Variants in RGS6 observed in about 807,000 individuals in gnomAD.
The protein encoded by RGS6 is regulator of G-protein signaling 6.
RGS6 carries 30 observed loss-of-function variants against 78.5 expected under a neutral mutation model. The observed-to-expected ratio is 0.38, with a 90% confidence interval of 0.29 to 0.52. The LOEUF (loss-of-function observed/expected upper bound fraction) is 0.52, where lower values mean the gene tolerates loss of function less well. Among genes scored for constraint, RGS6 ranks in the 20% least tolerant of loss-of-function variants. The pLI, the probability that RGS6 is intolerant of heterozygous loss-of-function variation, is 0.85. For missense variants in RGS6, 495 were observed against 609.7 expected (o/e 0.81, Z 1.98); for synonymous variants, 206 against 206.0 (o/e 1.00, Z 0.00).
At chr14:71,967,889 A>G (rs2093613657) in intron 2 of RGS6, among the ~76,000 whole-genome samples, 1 of 152,176 alleles carries the variant, frequency 6.6e-6, no homozygotes, top group African/African-American at 2.4e-5. Flanking sequence ...TTTAAAGCCC[A>G]CACTTTTCAG....
At chr14:72,574,538 G>T in the RGS6 span, among the ~76,000 whole-genome samples, 2 of 152,224 alleles carry the variant, frequency 1.3e-5, no homozygotes, top group Non-Finnish European at 2.9e-5. Context: ...GTCTATGAGC[G>T]CTTATTGAGA....
intron 14 of RGS6, among the ~76,000 whole-genome samples, chr14:72,512,419 G>C (rs2096889537): frequency 6.6e-6 from 1 of 152,190 alleles, no homozygotes; most frequent in Non-Finnish European, 1.5e-5. Context: ...CAAGGAGTGT[G>C]TCCCTGGCAG....
At position 72,302,898 on chromosome 14, in the gene RGS6, G is replaced by T. The variant is rs536918079; in HGVS notation, c.85-49197G>T. On this transcript the variant is annotated intron_variant, in intron 2 of 17. Coordinates refer to ENST00000553525, the MANE Select transcript of RGS6 (RefSeq NM_001204424.2). ...GGTGGATTTTTCCCATGCTGTTCTC[G>T]TGATAGTGAATAAGTCTCACAAGAT... Among the ~76,000 whole-genome samples, 77 of 152,242 alleles carry T rather than the reference G, an allele frequency of 5.1e-4. 2 individuals carry two copies. In the South Asian group the frequency reaches 0.016, roughly 31 times the overall value.
intron 2 of RGS6, among the ~76,000 whole-genome samples, chr14:71,986,519 G>C (rs980474704): frequency 6.6e-6 from 1 of 151,714 alleles, no homozygotes; most frequent in African/African-American, 2.4e-5. Flanking sequence ...TGGCCAACAT[G>C]ATGAGACCCC....
intron 2 of RGS6, among the ~76,000 whole-genome samples, chr14:71,976,881 G>A (rs2094160804): frequency 6.9e-6 from 1 of 144,696 alleles, no homozygotes; most frequent in African/African-American, 2.5e-5. Flanking sequence ...CCCACCAACA[G>A]TGTAAAAGTG....
chr14:72,425,420 T>A (rs778750539), intron 3 of RGS6, among the ~76,000 whole-genome samples: 6 of 152,294 alleles, frequency 3.9e-5, no homozygotes, highest in Non-Finnish European at 7.4e-5. Context: ...ATTATAGGCG[T>A]GAGCCACCGC....
intron 2 of RGS6, among the ~76,000 whole-genome samples, chr14:72,282,153 G>A (rs2061689055): frequency 6.6e-6 from 1 of 152,172 alleles, no homozygotes; most frequent in Non-Finnish European, 1.5e-5. Flanking sequence ...AAGCTGCTAG[G>A]ATCCTGGCTA....
At chr14:72,243,394 C>T (rs1402056) in intron 2 of RGS6, among the ~76,000 whole-genome samples, 62,563 of 151,746 alleles carry the variant, frequency 0.41, 13,801 homozygotes, top group Non-Finnish European at 0.5. Context: ...CCCTTGGCAG[C>T]TTTGTGGATA....
intron 2 of RGS6, among the ~76,000 whole-genome samples, chr14:72,297,412 ATATTAT>A (rs35789414): frequency 1.6e-4 from 24 of 145,520 alleles, no homozygotes; most frequent in African/African-American, 6.6e-4. Flanking sequence ...AACATGGTAT[ATATTAT>A]TATTATTATT....
rs35391986 is a variant in RGS6 at position 71,999,866 on chromosome 14, CT to C, written c.84+35004del. 1.3e-3 allele frequency among the ~76,000 whole-genome samples: 197 copies of C among 146,828 alleles called. 2 individuals carry two copies. The highest frequency in any genetic ancestry group is 4.1e-3 in the African/African-American group (162 of 39,880). Reference sequence around the variant, plus strand: ...TGCAGTGCATGAGCCAATTAAACCTCTTTTTTTTTTTTTATAAATTACCCAG... The same window carrying C: ...TGCAGTGCATGAGCCAATTAAACCTCTTTTTTTTTTTTATAAATTACCCAG... On this transcript the variant is annotated intron_variant, in intron 2 of 17. Coordinates refer to ENST00000553525, the MANE Select transcript of RGS6 (RefSeq NM_001204424.2).
At position 72,005,467 on chromosome 14, in the gene RGS6, A is replaced by ATCTATCTATCTATCTATCTATCTATCTG. The variant is rs1555428453; in HGVS notation, c.84+40593_84+40594insCTATCTATCTATCTATCTATCTATCTGT. ...TATCTATCTATCTATCTATCTATCT[A>ATCTATCTATCTATCTATCTATCTATCTG]TATCTCCCTATTCATTCAGCAACCT... On this transcript the variant is annotated intron_variant, in intron 2 of 17. Transcript: ENST00000553525. 3.8e-3 allele frequency among the ~76,000 whole-genome samples: 580 copies of ATCTATCTATCTATCTATCTATCTATCTG among 151,280 alleles called. 3 individuals carry two copies. Among genetic ancestry groups the ATCTATCTATCTATCTATCTATCTATCTG allele is most frequent in the African/African-American group, 0.012 (511 of 41,206 alleles).
intron 3 of RGS6, among the ~76,000 whole-genome samples, chr14:72,394,826 C>A (rs2090814496): frequency 6.6e-6 from 1 of 152,106 alleles, no homozygotes; most frequent in Admixed American, 6.5e-5. Context: ...TAAGAAATCA[C>A]AAGAATATTG....
the RGS6 span, among the ~76,000 whole-genome samples, chr14:72,575,795 AATT>A: frequency 2.0e-5 from 3 of 152,246 alleles, no homozygotes; most frequent in Non-Finnish European, 2.9e-5. Flanking sequence ...AAATATGTGC[AATT>A]ATTATGTGTC....
At chr14:72,359,089 T>A (rs1358050656) in intron 3 of RGS6, among the ~76,000 whole-genome samples, 1 of 152,190 alleles carries the variant, frequency 6.6e-6, no homozygotes, top group Non-Finnish European at 1.5e-5. Flanking sequence ...GAAGGATGTG[T>A]TTGCTTTCCT....
At chr14:71,977,035 T>G (rs1322020722) in intron 2 of RGS6, among the ~76,000 whole-genome samples, 1 of 121,962 alleles carries the variant, frequency 8.2e-6, no homozygotes. Flanking sequence ...TTTTTTCATG[T>G]GTCTTTTGGC....
intron 2 of RGS6, among the ~76,000 whole-genome samples, chr14:72,261,621 A>G (rs1028457345): frequency 6.6e-6 from 1 of 152,158 alleles, no homozygotes; most frequent in Non-Finnish European, 1.5e-5. Context: ...AATCCCCACC[A>G]TTCAATGAAC....
chr14:71,968,479 A>G lies in RGS6; in HGVS notation c.84+3604A>G, dbSNP rs552426319. 2.0e-5 allele frequency among the ~76,000 whole-genome samples: 3 copies of G among 152,272 alleles called. No homozygotes were observed. The South Asian group carries it at 6.2e-4, about 32-fold the overall frequency. On this transcript the variant is annotated intron_variant, in intron 2 of 17. Transcript: ENST00000553525. ...TGTAGATCTCTCAAAACGTAGAAGAACCAAGCTCTTGTCATAGGGATTTTA... is the reference window on the plus strand; with the variant it reads ...TGTAGATCTCTCAAAACGTAGAAGAGCCAAGCTCTTGTCATAGGGATTTTA...
At chr14:71,867,404 A>G in the RGS6 span, among the ~76,000 whole-genome samples, 2 of 150,140 alleles carry the variant, frequency 1.3e-5, no homozygotes, top group Non-Finnish European at 3.0e-5. Context: ...ACCAAATCCC[A>G]GTACTCCTTG....
intron 2 of RGS6, among the ~76,000 whole-genome samples, chr14:72,021,608 A>G (rs1488953149): frequency 6.6e-6 from 1 of 151,414 alleles, no homozygotes; most frequent in Non-Finnish European, 1.5e-5. Context: ...AGCTGGAATT[A>G]CAGGCGCCTG....
Sources: gnomAD v4.1 joint callset for allele counts (sites outside exome capture counted in the v4.1 genomes callset) on GRCh38, gnomAD v4.1.1 for gene constraint, MANE v1.5 for transcripts, NCBI Gene and HGNC (gene_info 2026-07-23, HGNC 2026-07-21) for gene names.